Variants in CADPS2 observed in about 807,000 individuals in gnomAD.
The protein encoded by CADPS2 is calcium dependent secretion activator 2, also known as calcium-dependent secretion activator 2.
Under a neutral mutation model 172.5 loss-of-function variants are expected in CADPS2, and 93 were observed. The ratio of observed to expected loss-of-function variants is 0.54; its 90% CI spans 0.46 to 0.64. The LOEUF (loss-of-function observed/expected upper bound fraction) is 0.64. Among genes scored for constraint, CADPS2 ranks in the 30% least tolerant of loss-of-function variants. The pLI, the probability that CADPS2 is intolerant of heterozygous loss-of-function variation, is 0.00. For missense variants in CADPS2, 1,420 were observed against 1,565.9 expected (o/e 0.91, Z 1.57); for synonymous variants, 546 against 555.2 (o/e 0.98, Z 0.23).
intron 3 of CADPS2, among the ~76,000 whole-genome samples, chr7:122,632,391 T>C (rs1031142390): frequency 6.6e-6 from 1 of 152,204 alleles, no homozygotes; most frequent in African/African-American, 2.4e-5. Context: ...TTTTTGATAA[T>C]AGCCATTCTG....
intron 20 of CADPS2, chr7:122,395,451 T>G (rs2044956075): frequency 6.6e-6 from 1 of 152,204 alleles, no homozygotes; most frequent in South Asian, 2.1e-4. Context: ...TAATGTTATC[T>G]TAATGATGTT....
intron 2 of CADPS2, among the ~76,000 whole-genome samples, chr7:122,668,683 GA>G (rs1467898808): frequency 1.3e-5 from 2 of 152,132 alleles, no homozygotes; most frequent in Non-Finnish European, 2.9e-5. Context: ...GAGAGACAGA[GA>G]GAGAAATAGA....
intron 14 of CADPS2, among the ~76,000 whole-genome samples, chr7:122,456,488 T>A (rs944098830): frequency 6.6e-6 from 1 of 152,148 alleles, no homozygotes; most frequent in East Asian, 1.9e-4. Context: ...AGGCTTAATA[T>A]ATGAAAAAAT....
chr7:122,349,711 C>A (rs2038236674), intron 27 of CADPS2, among the ~76,000 whole-genome samples: 1 of 152,118 alleles, frequency 6.6e-6, no homozygotes, highest in Admixed American at 6.5e-5. Flanking sequence ...TTTTCCCAAG[C>A]GTTAATCACT....
intron 1 of CADPS2, among the ~76,000 whole-genome samples, chr7:122,860,154 T>C (rs1323239472): frequency 2.2e-5 from 3 of 135,922 alleles, no homozygotes; most frequent in Non-Finnish European, 3.1e-5. Flanking sequence ...CCTCCCAAGT[T>C]CACAAAAAAT....
intron 17 of CADPS2, among the ~76,000 whole-genome samples, chr7:122,432,238 G>C (rs982486222): frequency 1.3e-5 from 2 of 152,158 alleles, no homozygotes; most frequent in African/African-American, 4.8e-5. Context: ...GGCAACAGCA[G>C]GACCTTGTGC....
Position 122,745,603 on chromosome 7 carries a change from C to G in CADPS2, c.340-8535G>C, listed in dbSNP as rs535620927. Among the ~76,000 whole-genome samples the G allele has an allele frequency of 3.2e-4, 47 of 148,196 alleles. No individual in the cohort carries two copies. The East Asian group carries it at 4.4e-3, about 14-fold the overall frequency. ...CTTTAGGATAAGAACTTGGTTTTAG[C>G]CTAAAACCAAGTTCTTATCCTAAAG... On this transcript the variant is annotated intron_variant, in intron 1 of 29. Coordinates refer to ENST00000449022, the MANE Select transcript of CADPS2 (RefSeq NM_017954.11).
intron 1 of CADPS2, among the ~76,000 whole-genome samples, chr7:122,790,918 T>C (rs1457947572): frequency 1.3e-5 from 2 of 152,216 alleles, no homozygotes; most frequent in Admixed American, 6.5e-5. Context: ...TGTAGGAATA[T>C]TAACTATGAT....
chr7:122,629,739 T>A (rs2076403529), intron 3 of CADPS2, among the ~76,000 whole-genome samples: 1 of 152,162 alleles, frequency 6.6e-6, no homozygotes, highest in South Asian at 2.1e-4. Flanking sequence ...AAGTTTGTAT[T>A]AGTGCTAAAC....
intron 2 of CADPS2, among the ~76,000 whole-genome samples, chr7:122,714,022 A>C (rs2089212539): frequency 6.6e-6 from 1 of 152,118 alleles, no homozygotes; most frequent in Non-Finnish European, 1.5e-5. Flanking sequence ...AATCCATGTC[A>C]AACTTCAAGA....
At chr7:122,498,158 G>A (rs961811030) in intron 9 of CADPS2, among the ~76,000 whole-genome samples, 2 of 152,096 alleles carry the variant, frequency 1.3e-5, no homozygotes, top group Admixed American at 6.6e-5. Flanking sequence ...ACGTTGGCTA[G>A]GCTGGTCTCA....
At chr7:122,554,732 G>A (rs2064807366) in intron 7 of CADPS2, 43 bp from the exon 8 acceptor site, 2 of 1,468,598 alleles carry the variant, frequency 1.4e-6, no homozygotes, top group Non-Finnish European at 1.8e-6. Context: ...ATGATACGGA[G>A]TGTCTATGGG....
intron 2 of CADPS2, among the ~76,000 whole-genome samples, chr7:122,726,724 G>C (rs1174330066): frequency 1.2e-5 from 1 of 83,836 alleles, no homozygotes; most frequent in African/African-American, 4.3e-5. Context: ...TTTTAAAAAA[G>C]AACATAAAAG....
intron 1 of CADPS2, among the ~76,000 whole-genome samples, chr7:122,825,936 C>A (rs547332085): frequency 9.9e-5 from 15 of 152,274 alleles, no homozygotes; most frequent in African/African-American, 3.1e-4. Context: ...AGGTGCCTAA[C>A]ATTAATACCA....
intron 2 of CADPS2, chr7:122,676,796 TG>T: frequency 1.1e-6 from 1 of 874,814 alleles, no homozygotes; most frequent in Admixed American, 2.3e-5. Flanking sequence ...ATCATTTCCA[TG>T]GGACAAGATT....
intron 1 of CADPS2, among the ~76,000 whole-genome samples, chr7:122,849,419 G>T (rs952595907): frequency 1.3e-5 from 2 of 152,078 alleles, no homozygotes; most frequent in African/African-American, 4.8e-5. Flanking sequence ...TTGGTTATTT[G>T]TACTCAGGAC....
intron 1 of CADPS2, among the ~76,000 whole-genome samples, chr7:122,841,733 TAA>T (rs1486212946): frequency 1.3e-5 from 2 of 152,172 alleles, no homozygotes; most frequent in Non-Finnish European, 2.9e-5. Context: ...AGAGTTGCCT[TAA>T]ATTTTCAGCT....
In CADPS2 at chr7:122,554,657, T is replaced by C. The variant is rs751852231; in HGVS notation, c.1368A>G (p.Lys456=). The C allele has an allele frequency of 1.4e-5, 22 of 1,609,664 alleles. No homozygotes were observed. The East Asian group carries it at 4.5e-4, about 33-fold the overall frequency. Residue 456 remains lysine (K), a synonymous_variant, in exon 8 of 30, where the codon AAA becomes AAG. Transcript: ENST00000449022. ...CTACCATTCGGTGTAATTCAGCTGA[T>C]TTGGAGCTATTAGAAGTTGGGTATA... is the stretch of plus-strand genomic sequence containing the variant. ...VILYPTSNSS[K]SAELHRMVVP...
At chr7:122,674,956 C>G (rs1236647982) in intron 2 of CADPS2, among the ~76,000 whole-genome samples, 2 of 152,190 alleles carry the variant, frequency 1.3e-5, no homozygotes, top group Non-Finnish European at 2.9e-5. Context: ...ATTCATGAAG[C>G]TTTGTAACTG....
Sources: gnomAD v4.1 joint callset for allele counts (sites outside exome capture counted in the v4.1 genomes callset) on GRCh38, gnomAD v4.1.1 for gene constraint, MANE v1.5 for transcripts, NCBI Gene and HGNC (gene_info 2026-07-23, HGNC 2026-07-21) for gene names.